GRID2: variants seen among roughly 807,000 people sequenced by gnomAD.
GRID2 encodes glutamate receptor ionotropic, delta-2.
A neutral mutation model predicts 114.8 loss-of-function variants in GRID2; 33 were observed. The ratio of observed to expected loss-of-function variants is 0.29; its 90% CI spans 0.22 to 0.38. The LOEUF is 0.38. Among genes scored for constraint, GRID2 ranks in the 10% least tolerant of loss-of-function variants. GRID2 has a pLI of 1.00. For missense variants in GRID2, 1,184 were observed against 1,257.7 expected (o/e 0.94, Z 0.89); for synonymous variants, 505 against 449.9 (o/e 1.12, Z -1.55).
At chr4:92,941,537 T>A (rs1181553338) in intron 2 of GRID2, among the ~76,000 whole-genome samples, 1 of 152,190 alleles carries the variant, frequency 6.6e-6, no homozygotes, top group Non-Finnish European at 1.5e-5. Context: ...ATTCATTGAT[T>A]TTTTGAAGGG....
chr4:93,166,534 C>T (rs940998877), intron 4 of GRID2, among the ~76,000 whole-genome samples: 1 of 152,174 alleles, frequency 6.6e-6, no homozygotes, highest in African/African-American at 2.4e-5. Flanking sequence ...AAACATAACC[C>T]TGTATCGGTA....
chr4:93,282,344 A>T (rs1181334927), intron 8 of GRID2: 1 of 433,902 alleles, frequency 2.3e-6, no homozygotes, highest in Admixed American at 2.5e-5. Context: ...GAGATGGAGT[A>T]GTTTATAAAA....
intron 8 of GRID2, among the ~76,000 whole-genome samples, chr4:93,297,873 T>A (rs1441770271): frequency 6.6e-6 from 1 of 152,190 alleles, no homozygotes; most frequent in Non-Finnish European, 1.5e-5. Flanking sequence ...ACTTAGGAAA[T>A]CAGATGGAGC....
chr4:92,751,700 T>G (rs1386231044), intron 2 of GRID2, among the ~76,000 whole-genome samples: 1 of 152,200 alleles, frequency 6.6e-6, no homozygotes. Context: ...ACTAACAGTT[T>G]CTAGACTTTT....
intron 2 of GRID2, among the ~76,000 whole-genome samples, chr4:92,812,392 G>A (rs947433158): frequency 8.6e-5 from 13 of 152,036 alleles, no homozygotes; most frequent in African/African-American, 2.9e-4. Context: ...TTCCATGGGA[G>A]GAGGGTGTTT....
chr4:92,953,768 A>G (rs1255752926), intron 2 of GRID2, among the ~76,000 whole-genome samples: 1 of 152,166 alleles, frequency 6.6e-6, no homozygotes, highest in Non-Finnish European at 1.5e-5. Context: ...CCAAATGTCA[A>G]TAGCGAAATT....
chr4:93,127,480 A>G (rs1734383885), intron 4 of GRID2, among the ~76,000 whole-genome samples: 1 of 152,260 alleles, frequency 6.6e-6, no homozygotes, highest in Non-Finnish European at 1.5e-5. Context: ...ACTGTAAAGT[A>G]GTTGCTAAAG....
intron 1 of GRID2, among the ~76,000 whole-genome samples, chr4:92,321,342 C>T (rs984686915): frequency 2.0e-5 from 3 of 152,132 alleles, no homozygotes; most frequent in Non-Finnish European, 4.4e-5. Context: ...GATGGAAGAA[C>T]GTGAAAGCAG....
intron 2 of GRID2, among the ~76,000 whole-genome samples, chr4:92,605,277 T>C (rs1382000301): frequency 2.0e-5 from 3 of 152,068 alleles, no homozygotes; most frequent in African/African-American, 7.2e-5. Flanking sequence ...TGACGGAAAC[T>C]AGGAATTTCC....
intron 1 of GRID2, among the ~76,000 whole-genome samples, chr4:92,465,640 C>T (rs1459857760): frequency 1.3e-5 from 2 of 151,888 alleles, no homozygotes; most frequent in Non-Finnish European, 2.9e-5. Context: ...TAATATTGTG[C>T]AATTAAATGT....
chr4:92,826,395 C>A (rs1334771887), intron 2 of GRID2, among the ~76,000 whole-genome samples: 1 of 152,098 alleles, frequency 6.6e-6, no homozygotes, highest in Non-Finnish European at 1.5e-5. Flanking sequence ...CAATCCCTAA[C>A]ACACCATATT....
At chr4:93,238,838 C>A (rs1747124367) in intron 8 of GRID2, among the ~76,000 whole-genome samples, 1 of 151,370 alleles carries the variant, frequency 6.6e-6, no homozygotes, top group African/African-American at 2.4e-5. Context: ...GTAACATGTA[C>A]AAAATCAGAA....
intron 4 of GRID2, among the ~76,000 whole-genome samples, chr4:93,198,924 G>A (rs1293048862): frequency 6.6e-6 from 1 of 152,086 alleles, no homozygotes; most frequent in African/African-American, 2.4e-5. Flanking sequence ...ATCATTTTAA[G>A]CGTTGATCAA....
intron 13 of GRID2, among the ~76,000 whole-genome samples, chr4:93,612,029 T>G (rs1277225435): frequency 6.6e-6 from 1 of 151,858 alleles, no homozygotes; most frequent in African/African-American, 2.4e-5. Context: ...TTTAGGATAG[T>G]TAGCTCCTCT....
At chr4:93,393,505 T>C (rs1184744896) in intron 8 of GRID2, among the ~76,000 whole-genome samples, 2 of 151,960 alleles carry the variant, frequency 1.3e-5, no homozygotes, top group Admixed American at 6.6e-5. Flanking sequence ...ATTTAAGTCA[T>C]TGCCTAGGTT....
At chr4:93,270,145 A>G (rs895445217) in intron 8 of GRID2, among the ~76,000 whole-genome samples, 3 of 151,958 alleles carry the variant, frequency 2.0e-5, no homozygotes, top group Non-Finnish European at 2.9e-5. Context: ...GAGATCAGCT[A>G]TAAAATCATC....
At chr4:93,781,664 G>A (rs1734481464) in intron 1 of GRID2, among the ~76,000 whole-genome samples, 1 of 152,072 alleles carries the variant, frequency 6.6e-6, no homozygotes, top group Non-Finnish European at 1.5e-5. Flanking sequence ...AAATTCTTCT[G>A]TATAATTTAA....
intron 2 of GRID2, among the ~76,000 whole-genome samples, chr4:92,927,596 C>T (rs1408450208): frequency 6.6e-6 from 1 of 151,750 alleles, no homozygotes; most frequent in Non-Finnish European, 1.5e-5. Context: ...GGACAGTAAC[C>T]ATGCCTGACC....
chr4:93,026,107 G>C (rs914697763), intron 2 of GRID2, among the ~76,000 whole-genome samples: 3 of 151,664 alleles, frequency 2.0e-5, no homozygotes, highest in Non-Finnish European at 4.4e-5. Context: ...AAATATTTTT[G>C]ACTAACAAAC....
Sources: allele counts gnomAD v4.1 joint callset (sites outside exome capture counted in the v4.1 genomes callset), GRCh38; gene constraint gnomAD v4.1.1; transcripts MANE v1.5; gene names NCBI Gene and HGNC (gene_info 2026-07-23, HGNC 2026-07-21).